The following ASB18 variants were observed in gnomAD, a reference collection of about 807,000 sequenced individuals.
The protein encoded by ASB18 is ankyrin repeat and SOCS box containing 18.
In ASB18, 33 loss-of-function variants were observed where a neutral mutation model predicts 33.4. That is an observed-to-expected ratio of 0.99 (90% CI 0.75 to 1.32). The LOEUF (loss-of-function observed/expected upper bound fraction) is 1.32. Ranked by LOEUF, ASB18 falls within the 40% of genes most tolerant of loss-of-function variation. ASB18 has a pLI of 0.00. For synonymous variants in ASB18, 295 were observed against 307.6 expected (o/e 0.96, Z 0.43); for missense variants, 694 against 655.5 (o/e 1.06, Z -0.64).
chr2:236,196,475 C>A lies in ASB18; in HGVS notation c.1102-90G>T. 8.4e-6 allele frequency: 6 copies of A among 713,748 alleles called. No homozygotes were observed. The highest frequency in any genetic ancestry group is 5.3e-5 in the African/African-American group (3 of 57,016). The allele number at this position is 713,748 out of a possible 1,614,324, so 44.2% of individuals were successfully genotyped here. On this transcript the variant is annotated intron_variant, in intron 4 of 5. Coordinates refer to ENST00000409749, the MANE Select transcript of ASB18 (RefSeq NM_212556.4). This position sits in a 1 kb window ranked among gnomAD's most constrained non-coding sequence, Gnocchi z 5.6. ...GTGGGGGGTGTGGGGGGATGCTCTC[C>A]CTAGCTGTGTGACCTCCCTACGCCC...
intron 3 of ASB18, among the ~76,000 whole-genome samples, chr2:236,218,447 G>A (rs2060497499): frequency 6.6e-6 from 1 of 152,164 alleles, no homozygotes; most frequent in Non-Finnish European, 1.5e-5. Context: ...TTACAAAATA[G>A]CACCACTGTA....
In ASB18 at chr2:236,204,041, G is replaced by C. The variant is rs1403375268; in HGVS notation, c.1102-7656C>G. 1.3e-5 allele frequency among the ~76,000 whole-genome samples: 2 copies of C among 152,200 alleles called. No homozygotes were observed. Among genetic ancestry groups the C allele is most frequent in the Non-Finnish European group, 2.9e-5 (2 of 68,034 alleles). ...TCACCTCAGGTGGTGGCAGTCAGGA[G>C]GGTAGGAGATTTTGAGATATATTTA... is the stretch of plus-strand genomic sequence containing the variant. On this transcript the variant is annotated intron_variant, in intron 4 of 5. Coordinates refer to ENST00000409749, the MANE Select transcript of ASB18 (RefSeq NM_212556.4). The surrounding 1 kb of genome is among the most constrained non-coding windows in gnomAD (Gnocchi z 5.1).
chr2:236,218,453 C>T (rs1210906035), intron 3 of ASB18, among the ~76,000 whole-genome samples: 1 of 152,178 alleles, frequency 6.6e-6, no homozygotes, highest in African/African-American at 2.4e-5. Flanking sequence ...AATAGCACCA[C>T]TGTACAGTCC....
intron 1 of ASB18, among the ~76,000 whole-genome samples, chr2:236,261,895 G>C (rs1027513867): frequency 6.6e-6 from 1 of 152,120 alleles, no homozygotes; most frequent in Non-Finnish European, 1.5e-5. Context: ...ATCAGATCTC[G>C]TGAGACTTAT....
intron 4 of ASB18, among the ~76,000 whole-genome samples, chr2:236,206,771 A>G (rs941172174): frequency 6.6e-6 from 1 of 152,246 alleles, no homozygotes; most frequent in Non-Finnish European, 1.5e-5. Context: ...TGAGATTCCA[A>G]CAAGGGGAAG....
At position 236,225,656 on chromosome 2, in the gene ASB18, A is replaced by G. The variant is rs2060533969; in HGVS notation, c.597-10790T>C. On this transcript the variant is annotated intron_variant, in intron 3 of 5. Coordinates refer to ENST00000409749, the MANE Select transcript of ASB18 (RefSeq NM_212556.4). This position sits in a 1 kb window ranked among gnomAD's most constrained non-coding sequence, Gnocchi z 5.1. ...GGGCGAGGCTGGCATGCAGGCTGCT[A>G]ATGTGAACACAGTTACTTTACTGTA... 2.0e-5 allele frequency among the ~76,000 whole-genome samples: 3 copies of G among 152,216 alleles called. No individual in the cohort carries two copies. In the South Asian group the frequency reaches 6.2e-4, roughly 32 times the overall value.
chr2:236,242,878 G>T (rs965441982), intron 1 of ASB18, among the ~76,000 whole-genome samples: 3 of 151,758 alleles, frequency 2.0e-5, no homozygotes, highest in Middle Eastern at 3.4e-3. Flanking sequence ...AAATTAGCTG[G>T]GCATGGTGAT....
chr2:236,259,163 A>G lies in ASB18; in HGVS notation c.205+4978T>C, dbSNP rs1191344384. Among the ~76,000 whole-genome samples the G allele has an allele frequency of 2.0e-5, 3 of 152,234 alleles. No homozygotes were observed. The highest frequency in any genetic ancestry group is 7.2e-5 in the African/African-American group (3 of 41,454). On this transcript the variant is annotated intron_variant, in intron 1 of 5. Coordinates refer to ENST00000409749, the MANE Select transcript of ASB18 (RefSeq NM_212556.4). This position sits in a 1 kb window ranked among gnomAD's most constrained non-coding sequence, Gnocchi z 4.4. ...AAATAATGCAGTTGTTGCTAATATT[A>G]AACAGTAGAGACTTGGCTTTAGCAG...
rs571439535 is a variant in ASB18, at chr2:236,203,445, G to A, written c.1102-7060C>T. Among the ~76,000 whole-genome samples the A allele has an allele frequency of 1.3e-5, 2 of 152,262 alleles. No individual in the cohort carries two copies. The highest frequency in any genetic ancestry group is 1.5e-5 in the Non-Finnish European group (1 of 68,024). On this transcript the variant is annotated intron_variant, in intron 4 of 5. Transcript: ENST00000409749. This position sits in a 1 kb window ranked among gnomAD's most constrained non-coding sequence, Gnocchi z 6.0. ...CATGAGTCTGACATGGGGAGTGCTC[G>A]GAAATGAAACAGGAGAGGAAAGCAG...
rs1225039862 is a variant in ASB18, at chr2:236,260,890, T to C, written c.205+3251A>G. Among the ~76,000 whole-genome samples, 1 of 152,206 alleles carries C rather than the reference T, an allele frequency of 6.6e-6. No individual in the cohort carries two copies. Among genetic ancestry groups the C allele is most frequent in the Non-Finnish European group, 1.5e-5 (1 of 68,034 alleles). ...AGCAGTTCCCAAGCTCATCCCACCA[T>C]GGAGCTCTTCTCAGGAAGCTTGTGG... On this transcript the variant is annotated intron_variant, in intron 1 of 5. Transcript: ENST00000409749. This position sits in a 1 kb window ranked among gnomAD's most constrained non-coding sequence, Gnocchi z 5.1.
At chr2:236,224,347 C>G (rs192996176) in intron 3 of ASB18, among the ~76,000 whole-genome samples, 1 of 151,928 alleles carries the variant, frequency 6.6e-6, no homozygotes, top group South Asian at 2.1e-4. Flanking sequence ...AGTGTCTGAT[C>G]GAGGCTTTTG....
In ASB18 at chr2:236,248,897, A is replaced by G. The variant is rs11904841; in HGVS notation, c.206-7495T>C. 40,918 of 152,166 alleles carry G rather than the reference A, an allele frequency of 0.27. 8,472 individuals are homozygous for G. Among genetic ancestry groups the G allele is most frequent in the African/African-American group, 0.59 (24,263 of 41,470 alleles). 9.4% of individuals were successfully genotyped at this position (152,166 alleles called of 1,614,324 possible). Reference sequence around the variant, plus strand: ...CCACCAGGCAGCATTCAAACTGCAGACCCATAGGAATCTGTTGTCCTTGTG... The same window carrying G: ...CCACCAGGCAGCATTCAAACTGCAGGCCCATAGGAATCTGTTGTCCTTGTG... On this transcript the variant is annotated intron_variant, in intron 1 of 5. Transcript: ENST00000409749. This position sits in a 1 kb window ranked among gnomAD's most constrained non-coding sequence, Gnocchi z 4.9.
rs568963482 is a variant in ASB18 at position 236,213,072 on chromosome 2, A to G, written c.1101+1290T>C. Among the ~76,000 whole-genome samples the G allele has an allele frequency of 6.6e-6, 1 of 152,372 alleles. No individual in the cohort carries two copies. Among genetic ancestry groups the G allele is most frequent in the African/African-American group, 2.4e-5 (1 of 41,584 alleles). On this transcript the variant is annotated intron_variant, in intron 4 of 5. Coordinates refer to ENST00000409749, the MANE Select transcript of ASB18 (RefSeq NM_212556.4). The surrounding 1 kb of genome is among the most constrained non-coding windows in gnomAD (Gnocchi z 4.8). ...ACTAAGCCTGCTAATGATGGGAAAC[A>G]TTAAAATGTAAATTATAAATATAAA...
rs545223695 is a variant in ASB18 at position 236,259,090 on chromosome 2, G to C, written c.205+5051C>G. 3.2e-4 allele frequency among the ~76,000 whole-genome samples: 49 copies of C among 152,298 alleles called. No individual in the cohort carries two copies. In the South Asian group the frequency reaches 8.7e-3, roughly 27 times the overall value. On this transcript the variant is annotated intron_variant, in intron 1 of 5. Coordinates refer to ENST00000409749, the MANE Select transcript of ASB18 (RefSeq NM_212556.4). The surrounding 1 kb of genome is among the most constrained non-coding windows in gnomAD (Gnocchi z 4.4). Reference sequence around the variant, plus strand: ...CCCCAGCCGTCCTTTCTCCCTCTCTGTGTTCTCTGCAGCTACTAACCAATT... The same window carrying C: ...CCCCAGCCGTCCTTTCTCCCTCTCTCTGTTCTCTGCAGCTACTAACCAATT...
At position 236,209,523 on chromosome 2, in the gene ASB18, C is replaced by G. The variant is rs543130304; in HGVS notation, c.1101+4839G>C. Among the ~76,000 whole-genome samples the G allele has an allele frequency of 1.8e-4, 28 of 152,248 alleles. 1 individual carries two copies. The East Asian group carries it at 5.0e-3, about 27-fold the overall frequency. On this transcript the variant is annotated intron_variant, in intron 4 of 5. Coordinates refer to ENST00000409749, the MANE Select transcript of ASB18 (RefSeq NM_212556.4). This position sits in a 1 kb window ranked among gnomAD's most constrained non-coding sequence, Gnocchi z 4.4. Reference sequence around the variant, plus strand: ...GGGCTCAAGTCATCCTTGTGCCTCCCAGAGTGCTAGGATTATAGGCGTGAG... The same window carrying G: ...GGGCTCAAGTCATCCTTGTGCCTCCGAGAGTGCTAGGATTATAGGCGTGAG...
In ASB18 at chr2:236,264,113, C is replaced by T. The variant is rs750517996; in HGVS notation, c.205+28G>A. ...ATCAGTGTAACTTAGTAATTAAATCCCAGATGCAGCAGGCTCGTTCTGGTT... is the reference window on the plus strand; with the variant it reads ...ATCAGTGTAACTTAGTAATTAAATCTCAGATGCAGCAGGCTCGTTCTGGTT... On this transcript the variant is annotated intron_variant, in intron 1 of 5. Transcript: ENST00000409749. The surrounding 1 kb of genome is among the most constrained non-coding windows in gnomAD (Gnocchi z 5.1). The T allele has an allele frequency of 3.1e-5, 50 of 1,606,158 alleles. 1 individual carries two copies. The South Asian group carries it at 5.4e-4, about 17-fold the overall frequency.
In ASB18 at chr2:236,216,017, G is replaced by C. The variant is rs780506695; in HGVS notation, c.597-1151C>G. 3.3e-5 allele frequency among the ~76,000 whole-genome samples: 5 copies of C among 152,046 alleles called. No individual in the cohort carries two copies. The highest frequency in any genetic ancestry group is 5.9e-5 in the Non-Finnish European group (4 of 68,012). On this transcript the variant is annotated intron_variant, in intron 3 of 5. Transcript: ENST00000409749. This position sits in a 1 kb window ranked among gnomAD's most constrained non-coding sequence, Gnocchi z 6.1. The stretch of plus-strand genomic sequence containing the variant: ...AGTTCCTTTCCTGGGCAGCACTGTG[G>C]TCACCTCGTCATCTGCATCCTCAGT...
Position 236,193,951 on chromosome 2 carries a change from G to A in ASB18, c.*921C>T, listed in dbSNP as rs1388248166. ...TGTGGGTGGGTGGGTGTGGGGGTGT[G>A]TGAGCACCCTGCGATGGAATAGCAC... On this transcript the variant is annotated 3_prime_UTR_variant, in exon 6 of 6. Transcript: ENST00000409749. This position sits in a 1 kb window ranked among gnomAD's most constrained non-coding sequence, Gnocchi z 5.0. Among the ~76,000 whole-genome samples the A allele has an allele frequency of 3.9e-5, 6 of 152,160 alleles. No homozygotes were observed. Among genetic ancestry groups the A allele is most frequent in the African/African-American group, 1.4e-4 (6 of 41,440 alleles).
At position 236,237,609 on chromosome 2, in the gene ASB18, G is replaced by T. The variant is rs1229193117; in HGVS notation, c.596+80C>A. 3 of 1,186,764 alleles carry T rather than the reference G, an allele frequency of 2.5e-6. No individual in the cohort carries two copies. The African/African-American group carries it at 4.9e-5, about 19-fold the overall frequency. 73.5% of individuals were successfully genotyped at this position (1,186,764 alleles called of 1,614,324 possible). On this transcript the variant is annotated intron_variant, in intron 3 of 5. Transcript: ENST00000409749. The surrounding 1 kb of genome is among the most constrained non-coding windows in gnomAD (Gnocchi z 6.2). The stretch of plus-strand genomic sequence containing the variant: ...GGGGCTGGGACGGAGGCGGAGGCGG[G>T]GTCGGCGGTCTCGTGGGGGGAGGCG...
Sources: allele counts gnomAD v4.1 joint callset (sites outside exome capture counted in the v4.1 genomes callset), GRCh38; gene constraint gnomAD v4.1.1; non-coding constraint Gnocchi (gnomAD v3.1); transcripts MANE v1.5; gene names NCBI Gene and HGNC (gene_info 2026-07-23, HGNC 2026-07-21).